Variants in ERC1 observed in about 807,000 individuals in gnomAD.
ERC1 encodes RAB6 interacting protein 2.
A neutral mutation model predicts 132.0 loss-of-function variants in ERC1; 56 were observed. That is an observed-to-expected ratio of 0.42 (90% CI 0.34 to 0.53). The LOEUF is 0.53. ERC1 is among the 20% of genes least tolerant of loss of function. The pLI, the probability that ERC1 is intolerant of heterozygous loss-of-function variation, is 0.03. For missense variants in ERC1, 1,202 were observed against 1,349.9 expected, an observed-to-expected ratio of 0.89 and a Z score of 1.72; for synonymous variants, 478 against 476.1, an observed-to-expected ratio of 1.00 and a Z score of -0.05.
At chr12:1,145,924 G>A (rs1431367395) in intron 8 of ERC1, among the ~76,000 whole-genome samples, 2 of 152,122 alleles carry the variant, frequency 1.3e-5, no homozygotes, top group Admixed American at 6.6e-5. Context: ...CTGTTCCATT[G>A]GTCTGTGTGC....
At chr12:1,092,482 A>G (rs1245471368) in intron 3 of ERC1, among the ~76,000 whole-genome samples, 1 of 152,218 alleles carries the variant, frequency 6.6e-6, no homozygotes, top group East Asian at 1.9e-4. Flanking sequence ...CAGCTGAGGT[A>G]TGAGCATTGT....
chr12:1,353,576 C>T (rs1489226037), intron 15 of ERC1, among the ~76,000 whole-genome samples: 1 of 152,178 alleles, frequency 6.6e-6, no homozygotes, highest in Non-Finnish European at 1.5e-5. Context: ...CTGGTATAGG[C>T]ACCAGCTCAT....
At chr12:1,320,848 C>T (rs2082068482) in intron 15 of ERC1, among the ~76,000 whole-genome samples, 1 of 152,114 alleles carries the variant, frequency 6.6e-6, no homozygotes, top group Admixed American at 6.5e-5. Flanking sequence ...ACTACAGGCG[C>T]CCGCCACCAC....
intron 12 of ERC1, among the ~76,000 whole-genome samples, chr12:1,221,069 C>G (rs766306189): frequency 6.6e-6 from 1 of 152,180 alleles, no homozygotes; most frequent in Non-Finnish European, 1.5e-5. Flanking sequence ...TTGGACTTAT[C>G]ACTGTCTGAC....
chr12:1,369,839 A>G (rs1443303924), intron 15 of ERC1, among the ~76,000 whole-genome samples: 1 of 152,194 alleles, frequency 6.6e-6, no homozygotes, highest in Non-Finnish European at 1.5e-5. Flanking sequence ...CCAGCAGCAA[A>G]ACTAGTGAAA....
intron 8 of ERC1, among the ~76,000 whole-genome samples, chr12:1,147,307 AG>A: frequency 6.6e-6 from 1 of 152,126 alleles, no homozygotes; most frequent in Non-Finnish European, 1.5e-5. Context: ...AATTTTGCTG[AG>A]GGTTTTAATC....
At chr12:1,035,487 G>T (rs1295595498) in intron 2 of ERC1, among the ~76,000 whole-genome samples, 1 of 152,170 alleles carries the variant, frequency 6.6e-6, no homozygotes, top group African/African-American at 2.4e-5. Context: ...AAATACTGCT[G>T]GTTGGAGAGT....
intron 18 of ERC1, among the ~76,000 whole-genome samples, chr12:1,464,343 G>A (rs915163182): frequency 8.6e-5 from 13 of 151,884 alleles, no homozygotes; most frequent in African/African-American, 3.1e-4. Flanking sequence ...GGTGTTCGTG[G>A]CTCGCCTATC....
chr12:1,038,401 G>A lies in ERC1; in HGVS notation c.669+9829G>A, dbSNP rs537382989. Among the ~76,000 whole-genome samples the A allele has an allele frequency of 2.0e-4, 30 of 149,848 alleles. No individual in the cohort carries two copies. In the East Asian group the frequency reaches 5.5e-3, roughly 28 times the overall value. The stretch of plus-strand genomic sequence containing the variant: ...TTTTGAGACGGAGTCTCGCTCTGTT[G>A]CCCAGGCTGGAGTGCAGTGGTGGGA... On this transcript the variant is annotated intron_variant, in intron 2 of 18. Transcript: ENST00000360905.
chr12:1,320,757 A>G (rs112231317), intron 15 of ERC1, among the ~76,000 whole-genome samples: 5,260 of 152,256 alleles, frequency 0.035, 97 homozygotes, highest in Middle Eastern at 0.075. Context: ...GCTGGAGTGC[A>G]GTGGCACGAT....
chr12:1,097,715 A>AT (rs544266211), intron 3 of ERC1, among the ~76,000 whole-genome samples: 4,141 of 137,444 alleles, frequency 0.03, 161 homozygotes, highest in African/African-American at 0.085. Context: ...TTAATTTTTA[A>AT]TTTTTTTTTT....
At chr12:1,443,239 T>G (rs1264380412) in intron 17 of ERC1, 1 of 152,232 alleles carries the variant, frequency 6.6e-6, no homozygotes, top group East Asian at 1.9e-4. Context: ...AAAAGTCTTA[T>G]TTCCTTTATA....
intron 17 of ERC1, among the ~76,000 whole-genome samples, chr12:1,420,706 C>T (rs113323247): frequency 3.3e-4 from 50 of 152,252 alleles, no homozygotes; most frequent in African/African-American, 1.0e-3. Context: ...CCACCCACCT[C>T]GGCCCCCCAA....
chr12:1,275,953 T>C (rs1018305840), intron 14 of ERC1, among the ~76,000 whole-genome samples: 1 of 152,198 alleles, frequency 6.6e-6, no homozygotes, highest in African/African-American at 2.4e-5. Flanking sequence ...GTCACTCTGG[T>C]ACATTCTTTC....
At chr12:1,077,083 A>C (rs1021810151) in intron 2 of ERC1, among the ~76,000 whole-genome samples, 1 of 152,224 alleles carries the variant, frequency 6.6e-6, no homozygotes, top group Non-Finnish European at 1.5e-5. Context: ...TATATGTTTC[A>C]GAAAAAAATG....
chr12:1,344,000 C>G (rs1318406948), intron 15 of ERC1, among the ~76,000 whole-genome samples: 1 of 152,188 alleles, frequency 6.6e-6, no homozygotes, highest in East Asian at 1.9e-4. Context: ...CACCACTGCA[C>G]CCGGCTAATT....
At chr12:1,361,357 A>G (rs1348214786) in intron 15 of ERC1, among the ~76,000 whole-genome samples, 2 of 152,168 alleles carry the variant, frequency 1.3e-5, no homozygotes, top group African/African-American at 4.8e-5. Context: ...ATGTATACAT[A>G]TGTAACAAAC....
rs570654272 is a variant in ERC1, at chr12:1,065,931, A to G, written c.670-17233A>G. Among the ~76,000 whole-genome samples the G allele has an allele frequency of 2.0e-5, 3 of 152,304 alleles. No individual in the cohort carries two copies. The South Asian group carries it at 6.2e-4, about 32-fold the overall frequency. ...CCAGATACAAAAGATCACTTATTGT[A>G]TGGTTCCGTGTATATGTAATATATT... On this transcript the variant is annotated intron_variant, in intron 2 of 18. Coordinates refer to ENST00000360905, the MANE Select transcript of ERC1 (RefSeq NM_178040.4).
At chr12:1,279,410 A>G (rs1341868639) in intron 14 of ERC1, among the ~76,000 whole-genome samples, 3 of 152,170 alleles carry the variant, frequency 2.0e-5, no homozygotes, top group South Asian at 2.1e-4. Context: ...TCCTCTAGAA[A>G]AACCTCCAGA....
Sources: gnomAD v4.1 joint callset for allele counts (sites outside exome capture counted in the v4.1 genomes callset) on GRCh38, gnomAD v4.1.1 for gene constraint, MANE v1.5 for transcripts, NCBI Gene and HGNC (gene_info 2026-07-23, HGNC 2026-07-21) for gene names.